Variants in BRD7 observed in about 807,000 individuals in gnomAD.
BRD7 encodes the protein bromodomain-containing protein 7.
In BRD7, 15 loss-of-function variants were observed where a neutral mutation model predicts 82.1. The observed-to-expected ratio is 0.18, with a 90% CI of 0.12 to 0.28. The LOEUF (loss-of-function observed/expected upper bound fraction) is 0.28, where lower values mean the gene tolerates loss of function less well. Ranked by LOEUF, BRD7 falls within the 10% of genes least tolerant of loss-of-function variation. The pLI is 1.00. For missense variants in BRD7, 638 were observed against 779.9 expected (o/e 0.82, Z 2.17); for synonymous variants, 232 against 266.9 (o/e 0.87, Z 1.27).
chr16:50,362,233 G>C (rs1220125302), intron 2 of BRD7, among the ~76,000 whole-genome samples: 1 of 152,298 alleles, frequency 6.6e-6, no homozygotes, highest in Non-Finnish European at 1.5e-5. Flanking sequence ...CCCTGCCTCT[G>C]TTAGGGCACT....
intron 2 of BRD7, among the ~76,000 whole-genome samples, chr16:50,366,230 G>A (rs749440204): frequency 9.2e-5 from 14 of 152,138 alleles, no homozygotes; most frequent in Non-Finnish European, 1.9e-4. Context: ...TTCTTAGGAC[G>A]TTCCTAGAGT....
rs1207056876 is a variant in BRD7 at position 50,317,660 on chromosome 16, G to C, written c.*1551C>G. ...AAAGTTTTTAGTTTTCAGTGTTCAGGTTATAGAATATAACTGACCATAAAA... is the reference window on the plus strand; with the variant it reads ...AAAGTTTTTAGTTTTCAGTGTTCAGCTTATAGAATATAACTGACCATAAAA... On this transcript the variant is annotated 3_prime_UTR_variant, in exon 17 of 17. Coordinates refer to ENST00000394688, the MANE Select transcript of BRD7 (RefSeq NM_013263.5). 1 of 152,220 alleles carries C rather than the reference G, an allele frequency of 6.6e-6. No individual in the cohort carries two copies. Among genetic ancestry groups the C allele is most frequent in the Non-Finnish European group, 1.5e-5 (1 of 68,012 alleles). The allele number at this position is 152,220 out of a possible 1,614,324, so 9.4% of individuals were successfully genotyped here. A position where few individuals can be genotyped will look rare whatever the true frequency, so the allele number is the denominator to read the frequency against.
At position 50,368,465 on chromosome 16, in the gene BRD7, C is replaced by G. The variant is rs2039239585; in HGVS notation, c.50-167G>C. On this transcript the variant is annotated intron_variant, in intron 1 of 16. Coordinates refer to ENST00000394688, the MANE Select transcript of BRD7 (RefSeq NM_013263.5). ...ACCCCGGCCCGGGGGTGCGGCGGCG[C>G]CGCCCGCCCCGAACGCTCCCAGGCC... is the stretch of plus-strand genomic sequence containing the variant. 4.8e-6 allele frequency: 4 copies of G among 839,726 alleles called. No individual in the cohort carries two copies. The African/African-American group carries it at 6.9e-5, about 14-fold the overall frequency. The allele number at this position is 839,726 out of a possible 1,614,324, so 52.0% of individuals were successfully genotyped here.
At chr16:50,356,172 GAA>G (rs1262500936) in intron 2 of BRD7, among the ~76,000 whole-genome samples, 7 of 152,200 alleles carry the variant, frequency 4.6e-5, no homozygotes, top group African/African-American at 9.6e-5. Flanking sequence ...AAAATGTAGA[GAA>G]ATGGGATTTT....
chr16:50,345,401 C>A (rs1597070305), intron 5 of BRD7, among the ~76,000 whole-genome samples: 1 of 152,208 alleles, frequency 6.6e-6, no homozygotes, highest in South Asian at 2.1e-4. Context: ...ATGACAGGAT[C>A]AAATTCACAC....
At chr16:50,344,328 G>A (rs541128108) in intron 5 of BRD7, among the ~76,000 whole-genome samples, 8 of 152,330 alleles carry the variant, frequency 5.3e-5, no homozygotes, top group African/African-American at 1.9e-4. Flanking sequence ...CGGAAAAGCT[G>A]AAAATTCTAC....
chr16:50,356,408 T>C (rs929573041), intron 2 of BRD7, among the ~76,000 whole-genome samples: 5 of 152,120 alleles, frequency 3.3e-5, no homozygotes, highest in Admixed American at 6.5e-5. Flanking sequence ...AAAAGGAAAA[T>C]AGATTAATAA....
At chr16:50,366,408 G>T (rs768462970) in intron 2 of BRD7, among the ~76,000 whole-genome samples, 1 of 152,158 alleles carries the variant, frequency 6.6e-6, no homozygotes, top group Non-Finnish European at 1.5e-5. Context: ...AGGAAGTAAA[G>T]AACTCAAATG....
At chr16:50,345,217 C>T (rs1385630655) in intron 5 of BRD7, among the ~76,000 whole-genome samples, 1 of 152,208 alleles carries the variant, frequency 6.6e-6, no homozygotes, top group Non-Finnish European at 1.5e-5. Flanking sequence ...CAAACAAATG[C>T]TGACAGATTT....
intron 5 of BRD7, among the ~76,000 whole-genome samples, chr16:50,340,342 C>T (rs1209411039): frequency 6.6e-6 from 1 of 151,976 alleles, no homozygotes; most frequent in Non-Finnish European, 1.5e-5. Context: ...AACTGTAGAT[C>T]CCAGAATGAA....
At chr16:50,342,344 G>A (rs1481021645) in intron 5 of BRD7, among the ~76,000 whole-genome samples, 2 of 151,802 alleles carry the variant, frequency 1.3e-5, no homozygotes, top group Admixed American at 6.6e-5. Flanking sequence ...TTTGGAGAAA[G>A]TGGAATATTA....
intron 4 of BRD7, among the ~76,000 whole-genome samples, chr16:50,353,732 T>C (rs944062709): frequency 6.6e-6 from 1 of 150,414 alleles, no homozygotes; most frequent in African/African-American, 2.4e-5. Context: ...TAGCTGGGAC[T>C]ACAGGCGCCC....
At chr16:50,321,774 T>C (rs1417727704) in intron 13 of BRD7, among the ~76,000 whole-genome samples, 1 of 152,128 alleles carries the variant, frequency 6.6e-6, no homozygotes, top group East Asian at 1.9e-4. Context: ...TACCTACATA[T>C]GGGCTAAAAA....
At chr16:50,348,648 C>T (rs28793692) in intron 5 of BRD7, among the ~76,000 whole-genome samples, 34,034 of 151,638 alleles carry the variant, frequency 0.22, 4,240 homozygotes, top group African/African-American at 0.31. Context: ...GCAGAAGACA[C>T]GTGAAAAATG....
chr16:50,366,032 C>T (rs1257937159), intron 2 of BRD7, among the ~76,000 whole-genome samples: 1 of 152,130 alleles, frequency 6.6e-6, no homozygotes, highest in Non-Finnish European at 1.5e-5. Flanking sequence ...ATGCAAAGGA[C>T]TAAGAATCAG....
chr16:50,344,703 G>C (rs2038212609), intron 5 of BRD7, among the ~76,000 whole-genome samples: 1 of 152,172 alleles, frequency 6.6e-6, no homozygotes. Flanking sequence ...GAAGCAAAAA[G>C]AGAAGTTTAG....
At chr16:50,329,941 T>C (rs2037490616) in intron 8 of BRD7, among the ~76,000 whole-genome samples, 1 of 152,214 alleles carries the variant, frequency 6.6e-6, no homozygotes. Flanking sequence ...GTCAACTGAG[T>C]TCTGTTTGGC....
chr16:50,324,327 T>C (rs1597026743), intron 11 of BRD7, among the ~76,000 whole-genome samples: 1 of 152,248 alleles, frequency 6.6e-6, no homozygotes, highest in East Asian at 1.9e-4. Context: ...GGTCCATTTC[T>C]CATCTCCCTA....
At chr16:50,356,358 GT>G (rs1363930266) in intron 2 of BRD7, among the ~76,000 whole-genome samples, 1 of 152,080 alleles carries the variant, frequency 6.6e-6, no homozygotes, top group Non-Finnish European at 1.5e-5. Context: ...CTGCAGCATT[GT>G]TTAAAATAGT....
Sources: allele counts gnomAD v4.1 joint callset (sites outside exome capture counted in the v4.1 genomes callset), GRCh38; gene constraint gnomAD v4.1.1; transcripts MANE v1.5; gene names NCBI Gene and HGNC (gene_info 2026-07-23, HGNC 2026-07-21).